The following TMEM209 variants were observed in gnomAD, a reference collection of about 807,000 sequenced individuals.
TMEM209 encodes testicular tissue protein Li 202.
Under a neutral mutation model 76.2 loss-of-function variants are expected in TMEM209, and 65 were observed. That is an observed-to-expected ratio of 0.85 (90% CI 0.70 to 1.05). The LOEUF (loss-of-function observed/expected upper bound fraction) is 1.05. Among genes scored for constraint, TMEM209 ranks in the 50% least tolerant of loss-of-function variants. TMEM209 has a pLI of 0.00. For synonymous variants in TMEM209, 239 were observed against 237.6 expected (o/e 1.01, Z -0.06); for missense variants, 623 against 685.5 (o/e 0.91, Z 1.02).
intron 6 of TMEM209, among the ~76,000 whole-genome samples, chr7:130,187,228 G>T (rs1004823331): frequency 5.3e-5 from 8 of 151,062 alleles, no homozygotes; most frequent in African/African-American, 1.5e-4. Context: ...GAGCAACAGA[G>T]CTAGACTCTA....
intron 4 of TMEM209, 108 bp downstream of exon 4, chr7:130,202,424 A>G (rs1798244115): frequency 7.0e-7 from 1 of 1,419,210 alleles, no homozygotes; most frequent in African/African-American, 1.4e-5. Context: ...CCTGCTTAAG[A>G]TAGCTGATGT....
intron 13 of TMEM209, among the ~76,000 whole-genome samples, chr7:130,172,532 G>C (rs1050434572): frequency 2.2e-4 from 34 of 151,930 alleles, no homozygotes; most frequent in Non-Finnish European, 1.3e-4. Flanking sequence ...TTTTAGTAGA[G>C]ACAGGGTTTC....
At position 130,202,675 on chromosome 7, in the gene TMEM209, C is replaced by G; in HGVS notation, c.200-12G>C. ...TGCAAGGGCAAGCTCTGGAAGAGAA[C>G]AATTTTTTTTTAATAAGGGGGGTGA... On this transcript the variant is annotated splice_polypyrimidine_tract_variant and intron_variant, in intron 3 of 14. Coordinates refer to ENST00000397622, the MANE Select transcript of TMEM209 (RefSeq NM_032842.4). 2 of 1,606,470 alleles carry G rather than the reference C, an allele frequency of 1.2e-6. No individual in the cohort carries two copies. The highest frequency in any genetic ancestry group is 1.7e-6 in the Non-Finnish European group (2 of 1,176,904).
chr7:130,186,610 G>A (rs111838805), intron 6 of TMEM209, among the ~76,000 whole-genome samples: 302 of 152,214 alleles, frequency 2.0e-3, no homozygotes, highest in African/African-American at 7.0e-3. Flanking sequence ...TTTAAGAAAC[G>A]TAAGTTTTCT....
intron 5 of TMEM209, 74 bp downstream of exon 5, chr7:130,201,776 G>A: frequency 3.2e-6 from 5 of 1,565,980 alleles, no homozygotes; most frequent in Admixed American, 1.8e-5. Context: ...GATAAGTTTT[G>A]ACTCATTAGA....
In TMEM209 at chr7:130,185,072, T is replaced by A; in HGVS notation, c.951+120A>T. ...AGGAGCTTTCCCACTGCCTAATGTG[T>A]GCCAGATTTACATTTCTGTCCAACA... On this transcript the variant is annotated intron_variant, in intron 7 of 14. Transcript: ENST00000397622. 4.1e-6 allele frequency: 5 copies of A among 1,205,398 alleles called. No homozygotes were observed. In the South Asian group the frequency reaches 8.3e-5, roughly 20 times the overall value. The allele number at this position is 1,205,398 out of a possible 1,614,324, so 74.7% of individuals were successfully genotyped here.
Position 130,173,938 on chromosome 7 carries a change from AT to A in TMEM209, c.1345del (p.Ile449SerfsTer81), listed in dbSNP as rs1156900704. On this transcript the variant is annotated frameshift_variant and splice_region_variant, in exon 12 of 15. Coordinates refer to ENST00000397622, the MANE Select transcript of TMEM209 (RefSeq NM_032842.4). LOFTEE classifies it high-confidence loss of function. ...GTAGGTGCAAAATACATGCATGATG[AT>A]CTGAGGATGAAGAAATAATTTTTTT... ...WDTDLPTDSAIIMHVFCTYLD... is the reference protein window; with the variant it reads ...WDTDLPTDSAXIMHVFCTYLD... 3 of 1,594,858 alleles carry A rather than the reference AT, an allele frequency of 1.9e-6. No homozygotes were observed. Among genetic ancestry groups the A allele is most frequent in the Non-Finnish European group, 2.6e-6 (3 of 1,162,934 alleles).
At chr7:130,185,976 C>T (rs1307364483) in intron 6 of TMEM209, among the ~76,000 whole-genome samples, 1 of 152,172 alleles carries the variant, frequency 6.6e-6, no homozygotes, top group Non-Finnish European at 1.5e-5. Flanking sequence ...GGCCTCTGAA[C>T]CAGGATATTA....
At chr7:130,178,778 T>C (rs1280790544) in intron 9 of TMEM209, among the ~76,000 whole-genome samples, 2 of 152,010 alleles carry the variant, frequency 1.3e-5, no homozygotes, top group Admixed American at 1.3e-4. Context: ...TTTTTCTTCT[T>C]CTCTTTTTGT....
intron 11 of TMEM209, among the ~76,000 whole-genome samples, chr7:130,174,884 T>C (rs1797184285): frequency 6.6e-6 from 1 of 151,902 alleles, no homozygotes; most frequent in African/African-American, 2.4e-5. Context: ...AAAAAATATC[T>C]AGGTAGGAGG....
chr7:130,193,829 AG>A lies in TMEM209; in HGVS notation c.574-1007del, dbSNP rs551887975. On this transcript the variant is annotated intron_variant, in intron 5 of 14. Transcript: ENST00000397622. ...CAAACCCATAGAACGTACAACACCAAGAGTGAACCCTAATGTAAACTATGCA... is the reference window on the plus strand; with the variant it reads ...CAAACCCATAGAACGTACAACACCAAAGTGAACCCTAATGTAAACTATGCA... Among the ~76,000 whole-genome samples the A allele has an allele frequency of 1.9e-4, 29 of 152,328 alleles. No individual in the cohort carries two copies. The South Asian group carries it at 5.8e-3, about 31-fold the overall frequency.
chr7:130,192,884 T>G (rs1797847730), intron 5 of TMEM209, 61 bp from the exon 6 acceptor site: 1 of 1,539,850 alleles, frequency 6.5e-7, no homozygotes, highest in Non-Finnish European at 8.8e-7. Context: ...TTTGTTTTGG[T>G]TTTTGACTTA....
intron 8 of TMEM209, chr7:130,182,157 G>C (rs1447164313): frequency 1.3e-5 from 2 of 157,150 alleles, no homozygotes; most frequent in African/African-American, 4.8e-5. Context: ...GGCCAGGCTG[G>C]TCTTGAACTC....
At chr7:130,184,382 C>A in intron 7 of TMEM209, 127 bp from the exon 8 acceptor site, 1 of 619,766 alleles carries the variant, frequency 1.6e-6, no homozygotes, top group Non-Finnish European at 2.7e-6. Context: ...CATCAATATT[C>A]ATCTAATTAA....
At chr7:130,173,522 A>G (rs1562885441) in intron 13 of TMEM209, 110 bp downstream of exon 13, 2 of 761,716 alleles carry the variant, frequency 2.6e-6, no homozygotes, top group Non-Finnish European at 2.1e-6. Flanking sequence ...ACACATTTCC[A>G]ATTTAAAAAA....
intron 6 of TMEM209, among the ~76,000 whole-genome samples, chr7:130,190,243 C>T (rs1336873486): frequency 6.6e-6 from 1 of 152,142 alleles, no homozygotes; most frequent in East Asian, 1.9e-4. Flanking sequence ...TTGGGCCAGG[C>T]GCGGTGGCTC....
intron 8 of TMEM209, among the ~76,000 whole-genome samples, chr7:130,182,223 T>C (rs1305425054): frequency 6.6e-6 from 1 of 152,202 alleles, no homozygotes; most frequent in African/African-American, 2.4e-5. Flanking sequence ...ATTACAGGCG[T>C]GAGCCACTGC....
intron 13 of TMEM209, among the ~76,000 whole-genome samples, chr7:130,172,450 C>T (rs1797101684): frequency 6.6e-6 from 1 of 152,030 alleles, no homozygotes; most frequent in African/African-American, 2.4e-5. Context: ...TCACGCCATT[C>T]TCCTGCCTCA....
chr7:130,168,249 C>A (rs1796940827), intron 14 of TMEM209, among the ~76,000 whole-genome samples: 1 of 152,086 alleles, frequency 6.6e-6, no homozygotes, highest in Non-Finnish European at 1.5e-5. Flanking sequence ...TTATATTATA[C>A]AGGTTAAGCA....
Sources: allele counts gnomAD v4.1 joint callset (sites outside exome capture counted in the v4.1 genomes callset), GRCh38; gene constraint gnomAD v4.1.1; transcripts MANE v1.5; gene names NCBI Gene and HGNC (gene_info 2026-07-23, HGNC 2026-07-21).